Variants in ADGRL3 observed in about 807,000 individuals in gnomAD.
ADGRL3 encodes adhesion G protein-coupled receptor L3.
ADGRL3 carries 62 observed loss-of-function variants against 153.5 expected under a neutral mutation model. The observed-to-expected ratio is 0.40, with a 90% CI of 0.33 to 0.50. The LOEUF is 0.50. ADGRL3 is among the 20% of genes least tolerant of loss of function. ADGRL3 has a pLI of 0.47. For missense variants in ADGRL3, 1,641 were observed against 1,859.4 expected, an observed-to-expected ratio of 0.88 and a Z score of 2.16; for synonymous variants, 710 against 672.5, an observed-to-expected ratio of 1.06 and a Z score of -0.86.
intron 21 of ADGRL3, among the ~76,000 whole-genome samples, chr4:62,027,044 A>G (rs1387998196): frequency 2.0e-5 from 3 of 152,062 alleles, no homozygotes; most frequent in African/African-American, 7.2e-5. Context: ...ACATTGTACT[A>G]TACGAATTAA....
At chr4:61,217,960 TAAGGA>T (rs1743637197) in intron 1 of ADGRL3, among the ~76,000 whole-genome samples, 1 of 152,198 alleles carries the variant, frequency 6.6e-6, no homozygotes, top group African/African-American at 2.4e-5. Context: ...AAACAATTGT[TAAGGA>T]AACTGTGGTA....
At chr4:61,557,502 A>G (rs1434919059) in intron 4 of ADGRL3, among the ~76,000 whole-genome samples, 1 of 152,170 alleles carries the variant, frequency 6.6e-6, no homozygotes, top group East Asian at 1.9e-4. Context: ...CCCATTTATT[A>G]TCAATGTGTA....
In ADGRL3 at chr4:61,497,665, A is replaced by G. The variant is rs1196970782; in HGVS notation, c.55+317A>G. 3.3e-4 allele frequency among the ~76,000 whole-genome samples: 48 copies of G among 144,866 alleles called. No homozygotes were observed. The East Asian group carries it at 7.0e-3, about 21-fold the overall frequency. On this transcript the variant is annotated intron_variant, in intron 3 of 26. Transcript: ENST00000683033. The stretch of plus-strand genomic sequence containing the variant: ...TGAGTAGCTGGGACTACAGGCGCCC[A>G]CCACCACGCCTGGCTAATTTTTTTT...
intron 2 of ADGRL3, among the ~76,000 whole-genome samples, chr4:61,432,916 G>A (rs1224627239): frequency 2.0e-5 from 3 of 151,488 alleles, no homozygotes; most frequent in Non-Finnish European, 4.4e-5. Flanking sequence ...ACCTCCCAAA[G>A]TGCTGGGATT....
At chr4:61,860,312 G>A (rs548392232) in intron 9 of ADGRL3, among the ~76,000 whole-genome samples, 40 of 152,070 alleles carry the variant, frequency 2.6e-4, no homozygotes, top group African/African-American at 9.6e-4. Flanking sequence ...ATCCCCTCAC[G>A]TCTTTTTTGG....
intron 5 of ADGRL3, among the ~76,000 whole-genome samples, chr4:61,667,941 A>C (rs1242513318): frequency 6.6e-6 from 1 of 152,192 alleles, no homozygotes; most frequent in Admixed American, 6.5e-5. Flanking sequence ...GCCCACCCCA[A>C]GAGACACTGT....
chr4:61,971,152 ATTT>A (rs1337181224), intron 17 of ADGRL3, among the ~76,000 whole-genome samples: 1 of 151,332 alleles, frequency 6.6e-6, no homozygotes, highest in Non-Finnish European at 1.5e-5. Flanking sequence ...ATTTATTTTT[ATTT>A]ATTTATTTAT....
intron 8 of ADGRL3, among the ~76,000 whole-genome samples, chr4:61,793,190 C>T (rs926582245): frequency 4.0e-5 from 6 of 151,868 alleles, no homozygotes; most frequent in Non-Finnish European, 5.9e-5. Flanking sequence ...TTTGGGAGGC[C>T]GAGGCAGGTG....
chr4:61,747,025 T>A (rs1054027032), intron 8 of ADGRL3, among the ~76,000 whole-genome samples: 1 of 152,142 alleles, frequency 6.6e-6, no homozygotes, highest in African/African-American at 2.4e-5. Flanking sequence ...ATAAAGGGGA[T>A]ATCACTGCCG....
At chr4:61,954,389 G>A (rs192902308) in intron 17 of ADGRL3, among the ~76,000 whole-genome samples, 1 of 151,868 alleles carries the variant, frequency 6.6e-6, no homozygotes, top group Admixed American at 6.6e-5. Context: ...ACTGCTGTCT[G>A]TTTCCCTCTT....
At chr4:61,988,876 A>G (rs1465968811) in intron 19 of ADGRL3, among the ~76,000 whole-genome samples, 1 of 152,172 alleles carries the variant, frequency 6.6e-6, no homozygotes, top group Non-Finnish European at 1.5e-5. Context: ...ATGAACATTT[A>G]TAATTGATAA....
chr4:61,501,758 A>G (rs772140989), intron 3 of ADGRL3, among the ~76,000 whole-genome samples: 1 of 152,176 alleles, frequency 6.6e-6, no homozygotes, highest in Non-Finnish European at 1.5e-5. Flanking sequence ...TAGTTGAATA[A>G]TCCCCACTTG....
chr4:61,993,945 G>T (rs2151011038), intron 19 of ADGRL3, among the ~76,000 whole-genome samples: 1 of 152,282 alleles, frequency 6.6e-6, no homozygotes, highest in African/African-American at 2.4e-5. Flanking sequence ...AACCAATGGT[G>T]TTTAACTGAG....
Position 61,236,008 on chromosome 4 carries a change from C to CTTTTTTTTTTTT in ADGRL3, c.-240+34251_-240+34262dup, listed in dbSNP as rs55932029. Among the ~76,000 whole-genome samples, 205 of 95,818 alleles carry CTTTTTTTTTTTT rather than the reference C, an allele frequency of 2.1e-3. 1 individual carries two copies. Among genetic ancestry groups the CTTTTTTTTTTTT allele is most frequent in the East Asian group, 3.6e-3 (10 of 2,798 alleles). The allele number at this position is 95,818 out of a possible 152,430, so 62.9% of individuals were successfully genotyped here. On this transcript the variant is annotated intron_variant, in intron 1 of 26. Coordinates refer to ENST00000683033, the MANE Select transcript of ADGRL3 (RefSeq NM_001387552.1). ...TCTTTATCAGTGTTTCTTTTCTTTTCTTTTTTTTTTTTTTTTTTTGAGATT... is the reference window on the plus strand; with the variant it reads ...TCTTTATCAGTGTTTCTTTTCTTTTCTTTTTTTTTTTTTTTTTTTTTTTTTTTTTTTGAGATT...
intron 19 of ADGRL3, among the ~76,000 whole-genome samples, chr4:61,987,761 A>T (rs552036074): frequency 8.5e-5 from 13 of 152,218 alleles, no homozygotes; most frequent in African/African-American, 3.1e-4. Context: ...GAACTTCATG[A>T]TTCTTAAGTT....
intron 17 of ADGRL3, among the ~76,000 whole-genome samples, chr4:61,965,730 G>A (rs182780162): frequency 3.9e-5 from 6 of 151,992 alleles, no homozygotes; most frequent in African/African-American, 7.2e-5. Flanking sequence ...CAGTCTGGGC[G>A]ACTGAGCAAG....
At chr4:61,240,056 T>A (rs893559241) in intron 1 of ADGRL3, among the ~76,000 whole-genome samples, 2 of 152,058 alleles carry the variant, frequency 1.3e-5, no homozygotes, top group African/African-American at 4.8e-5. Flanking sequence ...AAAATAAACT[T>A]ATTGCTCGCA....
In ADGRL3 at chr4:62,070,856, C is replaced by T. The variant is rs1286724649; in HGVS notation, c.4580C>T (p.Thr1527Ile). ...GFIVPPNKDG[T>I]PPEGSSKGPA... ...ATAGTTCCTCCAAACAAAGATGGGA[C>T]CCCTCCCGAGGGAAGTTCAAAAGGA... The change falls in exon 27 of 27, where the codon ACC (threonine) becomes ATC (isoleucine). Residue 1527 changes from threonine to isoleucine, a missense_variant. By Grantham distance (89) the Thr-to-Ile change is moderately conservative. This residue lies in a region of ADGRL3 where 517 missense variants were observed against 555.0 expected (regional missense o/e 0.93). Coordinates refer to ENST00000683033, the MANE Select transcript of ADGRL3 (RefSeq NM_001387552.1). 1 of 1,551,652 alleles carries T rather than the reference C, an allele frequency of 6.4e-7. No homozygotes were observed. Among genetic ancestry groups the T allele is most frequent in the Admixed American group, 2.0e-5 (1 of 51,000 alleles).
intron 6 of ADGRL3, among the ~76,000 whole-genome samples, chr4:61,724,545 A>G (rs2096293092): frequency 6.6e-6 from 1 of 152,182 alleles, no homozygotes; most frequent in African/African-American, 2.4e-5. Context: ...GGAGGTGTTA[A>G]TTTTGGAAAC....
Sources: allele counts gnomAD v4.1 joint callset (sites outside exome capture counted in the v4.1 genomes callset), GRCh38; gene constraint gnomAD v4.1.1; regional missense constraint gnomAD v4.1.1; transcripts MANE v1.5; gene names NCBI Gene and HGNC (gene_info 2026-07-23, HGNC 2026-07-21).